The following CD38 variants were observed in gnomAD, a reference collection of about 807,000 sequenced individuals.
CD38 encodes the protein ADP-ribosyl cyclase/cyclic ADP-ribose hydrolase 1.
Under a neutral mutation model 36.3 loss-of-function variants are expected in CD38, and 31 were observed. The ratio of observed to expected loss-of-function variants is 0.85; its 90% CI spans 0.64 to 1.15. The LOEUF (loss-of-function observed/expected upper bound fraction) is 1.15. Among genes scored for constraint, CD38 ranks in the 50% most tolerant of loss-of-function variants. The pLI is 0.00. For synonymous variants in CD38, 131 were observed against 135.2 expected (o/e 0.97, Z 0.22); for missense variants, 380 against 371.9 (o/e 1.02, Z -0.18).
chr4:15,808,456 G>A (rs918874514), intron 1 of CD38, among the ~76,000 whole-genome samples: 2 of 152,178 alleles, frequency 1.3e-5, no homozygotes, highest in Admixed American at 1.3e-4. Flanking sequence ...CCAACATTTG[G>A]TATAGTTGCC....
chr4:15,814,347 G>A (rs779574384), intron 1 of CD38, among the ~76,000 whole-genome samples: 10 of 152,072 alleles, frequency 6.6e-5, no homozygotes, highest in Non-Finnish European at 1.2e-4. Flanking sequence ...TTAGATCTTT[G>A]TCAGGTGGAT....
At chr4:15,816,751 T>G in intron 2 of CD38, 111 bp downstream of exon 2, 1 of 1,152,822 alleles carries the variant, frequency 8.7e-7, no homozygotes, top group Non-Finnish European at 1.3e-6. Context: ...CCAGACATTA[T>G]AGTGTGAGTG....
At chr4:15,790,619 G>A (rs1446000124) in intron 1 of CD38, among the ~76,000 whole-genome samples, 6 of 151,218 alleles carry the variant, frequency 4.0e-5, no homozygotes, top group East Asian at 3.9e-4. Flanking sequence ...AGTGAGGAGC[G>A]TCTCTGCCTG....
chr4:15,835,448 G>A (rs1428795714), intron 4 of CD38, among the ~76,000 whole-genome samples: 2 of 129,652 alleles, frequency 1.5e-5, no homozygotes, highest in South Asian at 5.3e-4. Flanking sequence ...TGTGATCTCG[G>A]CTCCCTGCAA....
chr4:15,818,299 G>A lies in CD38; in HGVS notation c.363+1659G>A, dbSNP rs535220785. Among the ~76,000 whole-genome samples the A allele has an allele frequency of 5.3e-5, 8 of 152,290 alleles. No homozygotes were observed. The South Asian group carries it at 1.7e-3, about 32-fold the overall frequency. ...CTGCTTCTCTAGATTCCTCCTCACT[G>A]GGCAGGGCATCTCTGAAGGAAAGGT... On this transcript the variant is annotated intron_variant, in intron 2 of 7. Coordinates refer to ENST00000226279, the MANE Select transcript of CD38 (RefSeq NM_001775.4).
chr4:15,799,293 C>G (rs1723166370), intron 1 of CD38, among the ~76,000 whole-genome samples: 1 of 152,020 alleles, frequency 6.6e-6, no homozygotes, highest in African/African-American at 2.4e-5. Flanking sequence ...TTTCTGATGC[C>G]ACTTCTGTTG....
intron 4 of CD38, among the ~76,000 whole-genome samples, chr4:15,836,008 A>G (rs72616190): frequency 0.059 from 8,945 of 152,246 alleles, 359 homozygotes; most frequent in East Asian, 0.18. Context: ...AATGAAAGAA[A>G]AAGGTGTGAG....
chr4:15,840,113 T>C lies in CD38; in HGVS notation c.747T>C (p.Asp249=). Residue 249 remains aspartate, a synonymous_variant, in exon 6 of 8, where the codon GAT becomes GAC. Coordinates refer to ENST00000226279, the MANE Select transcript of CD38 (RefSeq NM_001775.4). ...EAWVIHGGRE[D]SRDLCQDPTI... ...GGGTGATACATGGTGGAAGAGAAGA[T>C]TCCAGGTATATCTTACTACTTTGTA... The C allele has an allele frequency of 6.2e-7, 1 of 1,602,136 alleles. No individual in the cohort carries two copies. The highest frequency in any genetic ancestry group is 8.6e-7 in the Non-Finnish European group (1 of 1,169,090).
At chr4:15,788,415 A>G (rs1013562750) in intron 1 of CD38, among the ~76,000 whole-genome samples, 4 of 152,132 alleles carry the variant, frequency 2.6e-5, no homozygotes, top group Admixed American at 6.5e-5. Flanking sequence ...AGATCCCATC[A>G]TCATTCCATG....
At chr4:15,815,206 C>T (rs1723571177) in intron 1 of CD38, among the ~76,000 whole-genome samples, 1 of 152,164 alleles carries the variant, frequency 6.6e-6, no homozygotes, top group Non-Finnish European at 1.5e-5. Context: ...AACGTGATGC[C>T]TCCAACTTCG....
chr4:15,848,764 CTT>C lies in CD38; in HGVS notation c.*163_*164del. The C allele has an allele frequency of 3.7e-6, 2 of 538,446 alleles. No homozygotes were observed. The highest frequency in any genetic ancestry group is 2.9e-5 in the South Asian group (1 of 34,752). The allele number at this position is 538,446 out of a possible 1,614,324, so 33.4% of individuals were successfully genotyped here. A position where few individuals can be genotyped will look rare whatever the true frequency, so the allele number is the denominator to read the frequency against. Reference sequence around the variant, plus strand: ...CTTTTTCCCCAAAGTCTTAAAATAACTTATATCATCAGCATACCTTTATTGTG... The same window carrying C: ...CTTTTTCCCCAAAGTCTTAAAATAACATATCATCAGCATACCTTTATTGTG... On this transcript the variant is annotated 3_prime_UTR_variant, in exon 8 of 8. Transcript: ENST00000226279.
At chr4:15,786,197 C>G (rs1015771220) in intron 1 of CD38, among the ~76,000 whole-genome samples, 1 of 152,186 alleles carries the variant, frequency 6.6e-6, no homozygotes, top group Non-Finnish European at 1.5e-5. Flanking sequence ...AAGTGTAGAA[C>G]GGGACGCCAA....
At chr4:15,820,013 A>G (rs1406722322) in intron 2 of CD38, among the ~76,000 whole-genome samples, 1 of 152,246 alleles carries the variant, frequency 6.6e-6, no homozygotes, top group Non-Finnish European at 1.5e-5. Context: ...AGAAACCTAC[A>G]AGCCAGAAGA....
intron 1 of CD38, among the ~76,000 whole-genome samples, chr4:15,780,184 T>C (rs775352488): frequency 6.6e-6 from 1 of 152,222 alleles, no homozygotes; most frequent in Non-Finnish European, 1.5e-5. Flanking sequence ...GGGAGAATTA[T>C]GCATATTTTA....
chr4:15,795,265 G>T (rs948614188), intron 1 of CD38, among the ~76,000 whole-genome samples: 2 of 151,930 alleles, frequency 1.3e-5, no homozygotes, highest in African/African-American at 4.8e-5. Flanking sequence ...GAAAGGGGAG[G>T]AATGGTTATA....
At chr4:15,787,366 G>A (rs1448320765) in intron 1 of CD38, among the ~76,000 whole-genome samples, 3 of 152,208 alleles carry the variant, frequency 2.0e-5, no homozygotes, top group East Asian at 3.8e-4. Flanking sequence ...ATGAAAATGT[G>A]GGGCTCATTT....
chr4:15,819,171 C>G lies in CD38; in HGVS notation c.363+2531C>G, dbSNP rs898057322. Among the ~76,000 whole-genome samples, 5 of 152,142 alleles carry G rather than the reference C, an allele frequency of 3.3e-5. No individual in the cohort carries two copies. The East Asian group carries it at 9.6e-4, about 29-fold the overall frequency. On this transcript the variant is annotated intron_variant, in intron 2 of 7. Coordinates refer to ENST00000226279, the MANE Select transcript of CD38 (RefSeq NM_001775.4). ...TGGACACAGGGAGGGGAACATCACA[C>G]ACCAGGGCCTGTCAGGGGTGGGTGC...
At chr4:15,847,520 T>G (rs1487920968) in intron 7 of CD38, among the ~76,000 whole-genome samples, 4 of 109,124 alleles carry the variant, frequency 3.7e-5, no homozygotes, top group Non-Finnish European at 5.3e-5. Context: ...GTAACTAACC[T>G]GCACAATGTG....
At chr4:15,786,732 C>G (rs534201374) in intron 1 of CD38, among the ~76,000 whole-genome samples, 1 of 152,262 alleles carries the variant, frequency 6.6e-6, no homozygotes, top group Non-Finnish European at 1.5e-5. Flanking sequence ...GCTATGCACC[C>G]GCACTCCTCA....
Sources: allele counts gnomAD v4.1 joint callset (sites outside exome capture counted in the v4.1 genomes callset), GRCh38; gene constraint gnomAD v4.1.1; transcripts MANE v1.5; gene names NCBI Gene and HGNC (gene_info 2026-07-23, HGNC 2026-07-21).